The following SMAP1 variants were observed in gnomAD, a reference collection of about 807,000 sequenced individuals.
SMAP1 encodes the protein small ArfGAP 1, also known as stromal membrane-associated protein 1.
SMAP1 carries 24 observed loss-of-function variants against 58.5 expected under a neutral mutation model. The ratio of observed to expected loss-of-function variants is 0.41; its 90% CI spans 0.30 to 0.58. SMAP1 has a LOEUF of 0.58. Among genes scored for constraint, SMAP1 ranks in the 20% least tolerant of loss-of-function variants. The probability of loss-of-function intolerance (pLI) is 0.29; values close to 1 mark genes in which losing one functional copy is unlikely to be tolerated. For synonymous variants in SMAP1, 216 were observed against 196.6 expected (o/e 1.10, Z -0.82); for missense variants, 563 against 566.3 (o/e 0.99, Z 0.06).
At chr6:70,805,434 G>T (rs920590222) in intron 6 of SMAP1, among the ~76,000 whole-genome samples, 1 of 152,048 alleles carries the variant, frequency 6.6e-6, no homozygotes, top group African/African-American at 2.4e-5. Flanking sequence ...ACTTCCTTGC[G>T]ATGGGTTAGA....
intron 1 of SMAP1, among the ~76,000 whole-genome samples, chr6:70,714,765 A>G (rs943508907): frequency 6.6e-6 from 1 of 152,126 alleles, no homozygotes; most frequent in African/African-American, 2.4e-5. Context: ...TTGAATAACT[A>G]CCTTTAGCAT....
At chr6:70,766,643 T>C (rs1167839589) in intron 3 of SMAP1, among the ~76,000 whole-genome samples, 1 of 152,242 alleles carries the variant, frequency 6.6e-6, no homozygotes, top group Non-Finnish European at 1.5e-5. Context: ...ATTCTGGTTA[T>C]TAGCCCTTTG....
chr6:70,817,786 A>C (rs1217473008), intron 6 of SMAP1, among the ~76,000 whole-genome samples: 1 of 152,188 alleles, frequency 6.6e-6, no homozygotes, highest in Admixed American at 6.5e-5. Context: ...GTAGAAGCCA[A>C]TCAAAATCTG....
chr6:70,810,298 T>C (rs1769332003), intron 6 of SMAP1, among the ~76,000 whole-genome samples: 1 of 152,156 alleles, frequency 6.6e-6, no homozygotes, highest in Non-Finnish European at 1.5e-5. Context: ...CATACACCAA[T>C]GTGCCTGTCT....
At chr6:70,822,680 T>C (rs1476901556) in intron 6 of SMAP1, among the ~76,000 whole-genome samples, 1 of 152,202 alleles carries the variant, frequency 6.6e-6, no homozygotes, top group African/African-American at 2.4e-5. Flanking sequence ...GGATGTGTGG[T>C]TTTGTATCCA....
chr6:70,745,438 C>T (rs1225688459), intron 2 of SMAP1, among the ~76,000 whole-genome samples: 2 of 152,148 alleles, frequency 1.3e-5, no homozygotes, highest in Non-Finnish European at 2.9e-5. Context: ...GGAATCCTTT[C>T]CCCATTTCTT....
rs140648221 is a variant in SMAP1 at position 70,798,712 on chromosome 6, C to T, written c.551C>T (p.Pro184Leu). Residue 184 changes from proline to leucine, a missense_variant, in exon 6 of 11, where the codon CCG becomes CTG. This residue lies in a region of SMAP1 where 494 missense variants were observed against 473.8 expected (regional missense o/e 1.04). Transcript: ENST00000370455. ...AAGAGAGAAAAGGAGCCAGAAAAGC[C>T]GGCAAAACCACTTACAGCTGAAAAG... ...EKKREKEPEK[P>L]AKPLTAEKLQ... 1.8e-3 allele frequency: 2,849 copies of T among 1,558,584 alleles called. 6 individuals are homozygous for T. Among genetic ancestry groups the T allele is most frequent in the Non-Finnish European group, 2.2e-3 (2,589 of 1,152,750 alleles).
At chr6:70,702,641 CT>C (rs200336798) in intron 1 of SMAP1, among the ~76,000 whole-genome samples, 312 of 144,246 alleles carry the variant, frequency 2.2e-3, no homozygotes, top group South Asian at 2.2e-3. Flanking sequence ...TCTTCTTCTT[CT>C]TTTTTTTTTT....
At chr6:70,686,646 A>G (rs1413459515) in intron 1 of SMAP1, among the ~76,000 whole-genome samples, 1 of 152,226 alleles carries the variant, frequency 6.6e-6, no homozygotes, top group African/African-American at 2.4e-5. Flanking sequence ...ATAAATGAAT[A>G]TAATAGTGTC....
chr6:70,811,908 A>G lies in SMAP1; in HGVS notation c.576+13171A>G, dbSNP rs532048717. On this transcript the variant is annotated intron_variant, in intron 6 of 10. Transcript: ENST00000370455. ...CCTTGGGTCGTACCAAATCTTGTAT[A>G]TACTATGATTTTGATCTGATAGGTG... Among the ~76,000 whole-genome samples the G allele has an allele frequency of 5.9e-5, 9 of 152,304 alleles. No individual in the cohort carries two copies. The East Asian group carries it at 1.7e-3, about 29-fold the overall frequency.
At chr6:70,815,682 T>C (rs1051192832) in intron 6 of SMAP1, among the ~76,000 whole-genome samples, 2 of 152,114 alleles carry the variant, frequency 1.3e-5, no homozygotes, top group Non-Finnish European at 2.9e-5. Context: ...GATGGTTCCC[T>C]TGAGATGAAA....
At chr6:70,757,455 A>T (rs1766543432) in intron 3 of SMAP1, among the ~76,000 whole-genome samples, 1 of 152,088 alleles carries the variant, frequency 6.6e-6, no homozygotes, top group Non-Finnish European at 1.5e-5. Context: ...GGACATAGGC[A>T]TGGGCAAGGA....
At chr6:70,837,943 G>C in intron 7 of SMAP1, 3 of 1,120,182 alleles carry the variant, frequency 2.7e-6, no homozygotes, top group Non-Finnish European at 3.3e-6. Flanking sequence ...TTCTTAGGAA[G>C]CTGGTACATC....
At chr6:70,840,384 A>G (rs1770756695) in intron 7 of SMAP1, among the ~76,000 whole-genome samples, 1 of 152,190 alleles carries the variant, frequency 6.6e-6, no homozygotes, top group South Asian at 2.1e-4. Flanking sequence ...CTACCCATTC[A>G]AAGTTCAAAC....
At chr6:70,814,104 G>A (rs1473403438) in intron 6 of SMAP1, among the ~76,000 whole-genome samples, 2 of 152,048 alleles carry the variant, frequency 1.3e-5, no homozygotes, top group East Asian at 3.9e-4. Context: ...TCTGGCCTTG[G>A]GAGTTTCTAG....
intron 1 of SMAP1, among the ~76,000 whole-genome samples, chr6:70,727,510 A>T (rs796573549): frequency 6.6e-6 from 1 of 152,176 alleles, no homozygotes; most frequent in Non-Finnish European, 1.5e-5. Context: ...TGTCATTTGT[A>T]CTTATTACTA....
At position 70,766,467 on chromosome 6, in the gene SMAP1, G is replaced by A. The variant is rs549576618; in HGVS notation, c.339-6883G>A. Among the ~76,000 whole-genome samples the A allele has an allele frequency of 2.0e-5, 3 of 152,272 alleles. No individual in the cohort carries two copies. The East Asian group carries it at 5.8e-4, about 29-fold the overall frequency. ...CTGGTGTGAGATGGTATCTCATTGT[G>A]GTTTTGATTTGCATTTCACTGACAG... On this transcript the variant is annotated intron_variant, in intron 3 of 10. Transcript: ENST00000370455.
intron 1 of SMAP1, among the ~76,000 whole-genome samples, chr6:70,709,731 T>G (rs1767976390): frequency 6.6e-6 from 1 of 152,206 alleles, no homozygotes; most frequent in Non-Finnish European, 1.5e-5. Flanking sequence ...ATTTTACAGT[T>G]TTTTTCTTTT....
intron 1 of SMAP1, among the ~76,000 whole-genome samples, chr6:70,696,973 C>A: frequency 6.6e-6 from 1 of 152,276 alleles, no homozygotes; most frequent in Admixed American, 6.5e-5. Context: ...GAGTTGACCC[C>A]TTTATCATTA....
Sources: allele counts gnomAD v4.1 joint callset (sites outside exome capture counted in the v4.1 genomes callset), GRCh38; gene constraint gnomAD v4.1.1; regional missense constraint gnomAD v4.1.1; transcripts MANE v1.5; gene names NCBI Gene and HGNC (gene_info 2026-07-23, HGNC 2026-07-21).